INKA2: variants seen among roughly 807,000 people sequenced by gnomAD.
The protein encoded by INKA2 is inka box actin regulator 2.
In INKA2, 3 loss-of-function variants were observed where a neutral mutation model predicts 9.8. That is an observed-to-expected ratio of 0.31 (90% CI 0.14 to 0.79). INKA2 has a LOEUF of 0.79. INKA2 is among the 30% of genes least tolerant of loss of function. The pLI, the probability that INKA2 is intolerant of heterozygous loss-of-function variation, is 0.62. For synonymous variants in INKA2, 147 were observed against 143.3 expected (o/e 1.03, Z -0.18); for missense variants, 392 against 384.4 (o/e 1.02, Z -0.17).
rs138611018 is a variant in INKA2 at position 111,726,835 on chromosome 1, C to T, written c.*133G>A. The T allele has an allele frequency of 6.5e-5, 61 of 935,158 alleles. No homozygotes were observed. In the African/African-American group the frequency reaches 8.4e-4, roughly 13 times the overall value. The allele number at this position is 935,158 out of a possible 1,614,324, so 57.9% of individuals were successfully genotyped here. ...AGTCCTGAGCCAAGAACTCTGGCTT[C>T]TCCCCGCTTTCTGGGGGAAAGGAAC... On this transcript the variant is annotated 3_prime_UTR_variant, in exon 2 of 2. Coordinates refer to ENST00000357260, the MANE Select transcript of INKA2 (RefSeq NM_019099.5).
chr1:111,749,858 A>G (rs1170241464), intron 1 of INKA2, among the ~76,000 whole-genome samples: 1 of 152,186 alleles, frequency 6.6e-6, no homozygotes, highest in Non-Finnish European at 1.5e-5. Context: ...GGATCCCTCA[A>G]ATGCATATTC....
chr1:111,727,116 T>G lies in INKA2; in HGVS notation c.746A>C (p.Lys249Thr). Residue 249 changes from lysine to threonine, a missense_variant, in exon 2 of 2, where the codon AAG becomes ACG. By Grantham distance (78) the Lys-to-Thr change is moderately conservative (BLOSUM62 -1). Transcript: ENST00000357260. ...AGAGCCCTTGGAAAGGCTCCGCTTC[T>G]TGACCTTCTGTGAGCGGCCGGTTCG... ...ESRTGRSQKV[K>T]KRSLSKGSGH... is the part of the protein sequence containing the mutation. The G allele has an allele frequency of 6.2e-7, 1 of 1,614,268 alleles. No homozygotes were observed. Among genetic ancestry groups the G allele is most frequent in the Non-Finnish European group, 8.5e-7 (1 of 1,180,048 alleles).
chr1:111,742,920 A>AGT (rs986755761), upstream of INKA2, among the ~76,000 whole-genome samples: 2 of 152,078 alleles, frequency 1.3e-5, no homozygotes, highest in African/African-American at 2.4e-5. Flanking sequence ...TTACCCCAGG[A>AGT]GTGTGTGTGT....
In INKA2 at chr1:111,750,589, C is replaced by T. The variant is rs77481323; in HGVS notation, n.124+5112G>A. Among the ~76,000 whole-genome samples the T allele has an allele frequency of 1.5e-3, 235 of 152,268 alleles. 3 individuals are homozygous for T. The East Asian group carries it at 0.037, about 24-fold the overall frequency. On this transcript the variant is annotated intron_variant and non_coding_transcript_variant, in intron 1 of 1. Transcript: ENST00000444059. ...ATAAGCAGCATGTACATAGGGGTGG[C>T]ACTGGCACTTGGAAAGCAGTGTACC...
intron 1 of INKA2, among the ~76,000 whole-genome samples, chr1:111,738,194 G>A (rs1663047848): frequency 6.6e-6 from 1 of 152,220 alleles, no homozygotes; most frequent in Non-Finnish European, 1.5e-5. Context: ...ACACAACAGA[G>A]AGCCTAGTGG....
rs138918319 is a variant in INKA2, at chr1:111,726,729, ACG to A, written c.*237_*238del. 1,167 of 561,334 alleles carry A rather than the reference ACG, an allele frequency of 2.1e-3. No individual in the cohort carries two copies. Among genetic ancestry groups the A allele is most frequent in the East Asian group, 3.2e-3 (105 of 32,740 alleles). The allele number at this position is 561,334 out of a possible 1,614,324, so 34.8% of individuals were successfully genotyped here. Reference sequence around the variant, plus strand: ...CACACATGCACACACACACACACACACGCACAGCTCACTCTCCAGCTACTCTT... The same window carrying A: ...CACACATGCACACACACACACACACACACAGCTCACTCTCCAGCTACTCTT... On this transcript the variant is annotated 3_prime_UTR_variant, in exon 2 of 2. Transcript: ENST00000357260.
At chr1:111,730,999 C>T (rs1276105759) in intron 1 of INKA2, among the ~76,000 whole-genome samples, 2 of 152,306 alleles carry the variant, frequency 1.3e-5, no homozygotes, top group East Asian at 3.9e-4. Context: ...TCCAAACTGG[C>T]AGGCTTCCTT....
At chr1:111,750,961 T>C (rs994086802) in intron 1 of INKA2, among the ~76,000 whole-genome samples, 1 of 152,184 alleles carries the variant, frequency 6.6e-6, no homozygotes, top group South Asian at 2.1e-4. Context: ...ATGGCTTTCA[T>C]GCTTCCACGC....
At chr1:111,744,987 A>G (rs1259783637) in intron 1 of INKA2, among the ~76,000 whole-genome samples, 1 of 152,054 alleles carries the variant, frequency 6.6e-6, no homozygotes, top group Non-Finnish European at 1.5e-5. Flanking sequence ...AAATAGCAAT[A>G]TGGTATTTTG....
upstream of INKA2, among the ~76,000 whole-genome samples, chr1:111,740,298 A>G (rs1258222184): frequency 3.3e-5 from 5 of 152,154 alleles, no homozygotes; most frequent in Non-Finnish European, 7.4e-5. Context: ...TTGTTATTCA[A>G]AAGGAGCCGG....
chr1:111,748,212 G>C (rs1663315734), intron 1 of INKA2, among the ~76,000 whole-genome samples: 1 of 152,228 alleles, frequency 6.6e-6, no homozygotes, highest in Non-Finnish European at 1.5e-5. Flanking sequence ...ATTTCTAGTG[G>C]GTGGAAGAAA....
chr1:111,731,187 A>G (rs967646283), intron 1 of INKA2, among the ~76,000 whole-genome samples: 3 of 152,228 alleles, frequency 2.0e-5, no homozygotes, highest in African/African-American at 2.4e-5. Context: ...CAGAGGCCCT[A>G]TGTAAGTAAG....
rs1557908404 is a variant in INKA2 at position 111,727,276 on chromosome 1, G to C, written c.586C>G (p.Gln196Glu). The C allele has an allele frequency of 5.6e-6, 9 of 1,614,196 alleles. No individual in the cohort carries two copies. The highest frequency in any genetic ancestry group is 6.8e-6 in the Non-Finnish European group (8 of 1,180,030). ...GAREPKGEKG[Q>E]PQELGRRFAL... is the part of the protein sequence containing the mutation. ...AACCTGCGGCCCAGCTCCTGGGGCT[G>C]GCCTTTCTCTCCTTTGGGTTCACGT... is the stretch of plus-strand genomic sequence containing the variant. The change falls in exon 2 of 2, where the codon CAG becomes GAG. Residue 196 changes from glutamine (Q) to glutamate (E), a missense_variant. Transcript: ENST00000357260.
At chr1:111,751,716 C>G (rs1459917732) in intron 1 of INKA2, among the ~76,000 whole-genome samples, 3 of 152,208 alleles carry the variant, frequency 2.0e-5, no homozygotes, top group African/African-American at 7.2e-5. Context: ...TTAGAATGTG[C>G]TATGGTGGTC....
upstream of INKA2, among the ~76,000 whole-genome samples, chr1:111,740,236 C>G (rs534577970): frequency 6.9e-4 from 105 of 152,272 alleles, no homozygotes; most frequent in Non-Finnish European, 1.1e-3. Context: ...CGTCAGTCAA[C>G]CTAGCTGACG....
chr1:111,727,263 A>G lies in INKA2; in HGVS notation c.599T>C (p.Leu200Pro). Residue 200 changes from leucine to proline, a missense_variant, in exon 2 of 2, where the codon CTG (leucine) becomes CCG (proline). Physicochemically the swap from Leu to Pro is moderately conservative, Grantham distance 98 (BLOSUM62 -3). Transcript: ENST00000357260. ...PKGEKGQPQE[L>P]GRRFALTANI... ...TGCTGTCAGGGCGAACCTGCGGCCC[A>G]GCTCCTGGGGCTGGCCTTTCTCTCC... is the stretch of plus-strand genomic sequence containing the variant. 14 of 1,614,188 alleles carry G rather than the reference A, an allele frequency of 8.7e-6. No individual in the cohort carries two copies. The highest frequency in any genetic ancestry group is 1.3e-5 in the African/African-American group (1 of 75,052).
intron 1 of INKA2, chr1:111,755,278 T>C (rs1211819753): frequency 5.3e-6 from 1 of 188,572 alleles, no homozygotes; most frequent in Non-Finnish European, 1.1e-5. Flanking sequence ...CAGGTTCCAA[T>C]TCAACGTACT....
chr1:111,739,560 G>A (rs563728603), upstream of INKA2: 1 of 612,128 alleles, frequency 1.6e-6, no homozygotes, highest in Admixed American at 4.0e-5. Context: ...CACAGGACCC[G>A]GGCGCAGCCA....
upstream of INKA2, among the ~76,000 whole-genome samples, chr1:111,742,369 G>A (rs1208720533): frequency 1.3e-5 from 2 of 152,006 alleles, no homozygotes; most frequent in Non-Finnish European, 2.9e-5. Flanking sequence ...GGCAGATCAC[G>A]AGGTCAGGAG....
Sources: gnomAD v4.1 joint callset for allele counts (sites outside exome capture counted in the v4.1 genomes callset) on GRCh38, gnomAD v4.1.1 for gene constraint, MANE v1.5 for transcripts, NCBI Gene and HGNC (gene_info 2026-07-23, HGNC 2026-07-21) for gene names.